Variants in ZC3H3 observed in about 807,000 individuals in gnomAD.
ZC3H3 encodes the protein zinc finger CCCH-type containing 3, also known as zinc finger CCCH domain-containing protein 3.
ZC3H3 carries 36 observed loss-of-function variants against 77.3 expected under a neutral mutation model. The observed-to-expected ratio is 0.47, with a 90% CI of 0.36 to 0.61. ZC3H3 has a LOEUF of 0.61. Ranked by LOEUF, ZC3H3 falls within the 20% of genes least tolerant of loss-of-function variation. The pLI is 0.00. For missense variants in ZC3H3, 1,331 were observed against 1,312.2 expected, an observed-to-expected ratio of 1.01 and a Z score of -0.22; for synonymous variants, 626 against 555.2, an observed-to-expected ratio of 1.13 and a Z score of -1.79.
At chr8:143,523,502 A>C in intron 3 of ZC3H3, 1 of 985,424 alleles carries the variant, frequency 1.0e-6, no homozygotes, top group Non-Finnish European at 1.2e-6. Context: ...GTGGCCCTAC[A>C]GACGGAAGCC....
At chr8:143,515,359 G>A (rs1563872754) in intron 3 of ZC3H3, among the ~76,000 whole-genome samples, 1 of 152,268 alleles carries the variant, frequency 6.6e-6, no homozygotes, top group Non-Finnish European at 1.5e-5. Flanking sequence ...GGCGCAGCGA[G>A]GGGCTGCAGT....
chr8:143,528,201 C>A (rs1341979811), intron 3 of ZC3H3, among the ~76,000 whole-genome samples: 1 of 152,234 alleles, frequency 6.6e-6, no homozygotes, highest in Admixed American at 6.5e-5. Flanking sequence ...CCTGCCTCCT[C>A]GGGGGCCGCC....
At chr8:143,492,798 G>T (rs1424255234) in intron 4 of ZC3H3, among the ~76,000 whole-genome samples, 3 of 112,202 alleles carry the variant, frequency 2.7e-5, no homozygotes, top group Admixed American at 1.7e-4. Context: ...TGGCCCAGGG[G>T]CTCCCTCCTC....
intron 3 of ZC3H3, among the ~76,000 whole-genome samples, chr8:143,509,643 G>T (rs890755519): frequency 6.6e-6 from 1 of 152,232 alleles, no homozygotes; most frequent in South Asian, 2.1e-4. Context: ...AGCCTGGGGC[G>T]ATGCTGGCCC....
In ZC3H3 at chr8:143,468,454, C is replaced by T. The variant is rs775641159; in HGVS notation, c.2033G>A (p.Arg678His). The change falls in exon 7 of 12, where the codon CGC (arginine) becomes CAC (histidine). Residue 678 changes from arginine to histidine, a missense_variant. Arg to His is a conservative substitution (Grantham distance 29). Coordinates refer to ENST00000262577, the MANE Select transcript of ZC3H3 (RefSeq NM_015117.3). The stretch of plus-strand genomic sequence containing the variant: ...CTCGCCACGGTTGCACCTGCCGAAG[C>T]GGTTGTAGTACATGCAGTACTCCTT... ...KRKEYCMYYN[R>H]FGRCNRGERC... is the part of the protein sequence containing the mutation. 1.9e-6 allele frequency: 3 copies of T among 1,610,282 alleles called. No homozygotes were observed. Among genetic ancestry groups the T allele is most frequent in the South Asian group, 2.2e-5 (2 of 90,492 alleles).
Position 143,493,705 on chromosome 8 carries a change from A to G in ZC3H3, c.1715+14041T>C, listed in dbSNP as rs1205911057. Among the ~76,000 whole-genome samples the G allele has an allele frequency of 2.0e-5, 3 of 152,220 alleles. No individual in the cohort carries two copies. The highest frequency in any genetic ancestry group is 2.9e-5 in the Non-Finnish European group (2 of 68,036). On this transcript the variant is annotated intron_variant, in intron 4 of 11. Coordinates refer to ENST00000262577, the MANE Select transcript of ZC3H3 (RefSeq NM_015117.3). This position sits in a 1 kb window ranked among gnomAD's most constrained non-coding sequence, Gnocchi z 4.8. ...GCTTCTGTGGCACCTTCCGTGCAAA[A>G]CCGTATCTCAGCCCATTTATTAGAA... is the stretch of plus-strand genomic sequence containing the variant.
chr8:143,478,624 C>T (rs921896641), intron 4 of ZC3H3, among the ~76,000 whole-genome samples: 7 of 152,266 alleles, frequency 4.6e-5, no homozygotes, highest in African/African-American at 1.4e-4. Flanking sequence ...GTTCTCCTGC[C>T]TCAGCCTCCA....
chr8:143,490,258 G>A (rs1490238785), intron 4 of ZC3H3, among the ~76,000 whole-genome samples: 1 of 152,222 alleles, frequency 6.6e-6, no homozygotes, highest in African/African-American at 2.4e-5. Flanking sequence ...CCATCTCTGA[G>A]GGCCCACATA....
At chr8:143,519,569 G>C (rs533113279) in intron 3 of ZC3H3, among the ~76,000 whole-genome samples, 1 of 152,342 alleles carries the variant, frequency 6.6e-6, no homozygotes, top group African/African-American at 2.4e-5. Context: ...CCAAGCGGCA[G>C]GCAGGATCTG....
At chr8:143,507,929 G>A in intron 3 of ZC3H3, 30 bp from the exon 4 acceptor site, 1 of 1,545,330 alleles carries the variant, frequency 6.5e-7, no homozygotes, top group Non-Finnish European at 8.8e-7. Flanking sequence ...CACAGACATG[G>A]GTCAGGGAAG....
At chr8:143,476,377 G>A (rs1223010614) in intron 4 of ZC3H3, among the ~76,000 whole-genome samples, 2 of 152,176 alleles carry the variant, frequency 1.3e-5, no homozygotes, top group African/African-American at 4.8e-5. Context: ...GATGACCCTG[G>A]CTAGAGGAAG....
intron 3 of ZC3H3, among the ~76,000 whole-genome samples, chr8:143,526,539 TGCCCA>T (rs1822418537): frequency 6.6e-6 from 1 of 152,168 alleles, no homozygotes; most frequent in African/African-American, 2.4e-5. Context: ...TCCCAGACGA[TGCCCA>T]AGTCCACATG....
At chr8:143,482,141 C>A (rs1820923933) in intron 4 of ZC3H3, among the ~76,000 whole-genome samples, 1 of 152,260 alleles carries the variant, frequency 6.6e-6, no homozygotes, top group South Asian at 2.1e-4. Flanking sequence ...CCCATGCAGC[C>A]TCTCTCCAGC....
At chr8:143,440,387 G>C (rs758111993) in intron 10 of ZC3H3, 24 bp from the exon 11 acceptor site, 15 of 1,505,788 alleles carry the variant, frequency 1.0e-5, no homozygotes, top group South Asian at 1.3e-5. Context: ...AGGGGCAGAC[G>C]TGTGAGGTGG....
intron 3 of ZC3H3, among the ~76,000 whole-genome samples, chr8:143,519,024 C>T (rs915794586): frequency 2.6e-5 from 4 of 152,246 alleles, no homozygotes; most frequent in African/African-American, 9.6e-5. Context: ...CCCCAGTGCA[C>T]AGTGAGCGAG....
intron 4 of ZC3H3, among the ~76,000 whole-genome samples, chr8:143,480,899 C>T (rs1022175922): frequency 8.5e-5 from 13 of 152,154 alleles, no homozygotes; most frequent in Non-Finnish European, 1.8e-4. Flanking sequence ...CTGGGGGAGG[C>T]CTCCTCCACC....
At chr8:143,508,725 C>A (rs1186533211) in intron 3 of ZC3H3, among the ~76,000 whole-genome samples, 1 of 152,026 alleles carries the variant, frequency 6.6e-6, no homozygotes. Flanking sequence ...GGCCCCCGCC[C>A]CCCTCCACCC....
At chr8:143,505,934 G>T (rs367629076) in intron 4 of ZC3H3, among the ~76,000 whole-genome samples, 3 of 152,324 alleles carry the variant, frequency 2.0e-5, no homozygotes, top group African/African-American at 7.2e-5. Flanking sequence ...CTCCCTGCAG[G>T]GCAGCTGGCC....
chr8:143,540,101 A>G (rs1468155226), intron 1 of ZC3H3, among the ~76,000 whole-genome samples: 1 of 152,268 alleles, frequency 6.6e-6, no homozygotes, highest in African/African-American at 2.4e-5. Flanking sequence ...TGGGAGCTCA[A>G]GAAGTGTCCC....
Sources: gnomAD v4.1 joint callset for allele counts (sites outside exome capture counted in the v4.1 genomes callset) on GRCh38, gnomAD v4.1.1 for gene constraint, Gnocchi (gnomAD v3.1) non-coding constraint, MANE v1.5 for transcripts, NCBI Gene and HGNC (gene_info 2026-07-23, HGNC 2026-07-21) for gene names.